The following FSTL4 variants were observed in gnomAD, a reference collection of about 807,000 sequenced individuals.
The protein encoded by FSTL4 is follistatin-related protein 4.
FSTL4 carries 28 observed loss-of-function variants against 78.2 expected under a neutral mutation model. The ratio of observed to expected loss-of-function variants is 0.36; its 90% CI spans 0.27 to 0.49. The LOEUF is 0.49. FSTL4 is among the 20% of genes least tolerant of loss of function. The probability of loss-of-function intolerance (pLI) is 0.98; values close to 1 mark genes in which losing one functional copy is unlikely to be tolerated. For synonymous variants in FSTL4, 422 were observed against 440.5 expected (o/e 0.96, Z 0.53); for missense variants, 922 against 1,084.9 (o/e 0.85, Z 2.11).
chr5:133,202,406 G>C (rs562027216), intron 14 of FSTL4: 1 of 162,042 alleles, frequency 6.2e-6, no homozygotes, highest in African/African-American at 2.4e-5. Context: ...AAACATCACT[G>C]TGGTTGCTCA....
At chr5:133,456,428 T>C (rs1182921272) in intron 3 of FSTL4, among the ~76,000 whole-genome samples, 1 of 152,228 alleles carries the variant, frequency 6.6e-6, no homozygotes, top group Non-Finnish European at 1.5e-5. Context: ...AGCCCTGCTT[T>C]TGGGGGATGG....
Position 133,198,665 on chromosome 5 carries a change from GC to G in FSTL4, c.*429del, listed in dbSNP as rs1750216241. 1.3e-5 allele frequency: 2 copies of G among 157,516 alleles called. No individual in the cohort carries two copies. Among genetic ancestry groups the G allele is most frequent in the Admixed American group, 1.3e-4 (2 of 15,620 alleles). 9.8% of individuals were successfully genotyped at this position (157,516 alleles called of 1,614,324 possible). A position where few individuals can be genotyped will look rare whatever the true frequency, so the allele number is the denominator to read the frequency against. ...GATGGGCTTTCAGTTCGGGAGGGAG[GC>G]CCCTGCTCCTGGTCGGCCTCTGCTT... On this transcript the variant is annotated 3_prime_UTR_variant, in exon 16 of 16. Coordinates refer to ENST00000265342, the MANE Select transcript of FSTL4 (RefSeq NM_015082.2).
At chr5:133,666,743 T>G in the FSTL4 span, among the ~76,000 whole-genome samples, 4 of 152,244 alleles carry the variant, frequency 2.6e-5, no homozygotes, top group African/African-American at 9.6e-5. Context: ...CAGTTAAAAC[T>G]TTTTTCTCTC....
chr5:133,446,388 C>T (rs1295688175), intron 3 of FSTL4, among the ~76,000 whole-genome samples: 37 of 152,158 alleles, frequency 2.4e-4, no homozygotes, highest in Non-Finnish European at 1.0e-4. Flanking sequence ...TGCAGTGAGC[C>T]GAGATCGAAC....
At chr5:133,663,367 T>C in the FSTL4 span, among the ~76,000 whole-genome samples, 2 of 152,242 alleles carry the variant, frequency 1.3e-5, no homozygotes, top group African/African-American at 4.8e-5. Flanking sequence ...GAACTAACTC[T>C]ACATCCTGTT....
At chr5:133,308,916 T>C (rs935878593) in intron 6 of FSTL4, among the ~76,000 whole-genome samples, 10 of 152,164 alleles carry the variant, frequency 6.6e-5, no homozygotes, top group Admixed American at 3.3e-4. Flanking sequence ...AACCTTCCCA[T>C]GCATCCAACA....
At chr5:133,665,287 A>G in the FSTL4 span, among the ~76,000 whole-genome samples, 10 of 152,240 alleles carry the variant, frequency 6.6e-5, no homozygotes, top group Admixed American at 2.0e-4. Context: ...TCAGGTTTCA[A>G]TGAGATTTGG....
intron 2 of FSTL4, among the ~76,000 whole-genome samples, chr5:133,570,596 A>G (rs1760134648): frequency 6.6e-6 from 1 of 152,234 alleles, no homozygotes; most frequent in African/African-American, 2.4e-5. Context: ...CAACTTTAAA[A>G]ATAGTCATGA....
intron 3 of FSTL4, among the ~76,000 whole-genome samples, chr5:133,538,715 T>C (rs1475094406): frequency 6.6e-6 from 1 of 152,230 alleles, no homozygotes; most frequent in African/African-American, 2.4e-5. Context: ...TTTCCAGTTA[T>C]GTTTTGTTGT....
chr5:133,214,974 A>C (rs1029165869), intron 13 of FSTL4, among the ~76,000 whole-genome samples: 13 of 152,154 alleles, frequency 8.5e-5, no homozygotes, highest in African/African-American at 3.1e-4. Context: ...GCCTGTATTC[A>C]CCATCTCCAT....
the FSTL4 span, among the ~76,000 whole-genome samples, chr5:133,671,538 C>T: frequency 6.6e-6 from 1 of 152,190 alleles, no homozygotes; most frequent in African/African-American, 2.4e-5. Context: ...CTCAGCAAGG[C>T]CATTTTTACT....
At chr5:133,260,409 T>C (rs1006483860) in intron 6 of FSTL4, among the ~76,000 whole-genome samples, 3 of 152,264 alleles carry the variant, frequency 2.0e-5, no homozygotes, top group Admixed American at 1.3e-4. Flanking sequence ...GCAGACCATT[T>C]TGAACGGTTT....
chr5:133,372,095 G>A lies in FSTL4; in HGVS notation c.409+28643C>T, dbSNP rs142207501. Among the ~76,000 whole-genome samples the A allele has an allele frequency of 9.2e-3, 1,408 of 152,312 alleles. 8 individuals carry two copies. The highest frequency in any genetic ancestry group is 0.017 in the Middle Eastern group (5 of 294). ...GGCCGAACATGTGCCTGCTGGGGCT[G>A]CCAAACACACCTCATCAAACTTCCA... On this transcript the variant is annotated intron_variant, in intron 4 of 15. Coordinates refer to ENST00000265342, the MANE Select transcript of FSTL4 (RefSeq NM_015082.2).
Position 133,210,132 on chromosome 5 carries a change from A to G in FSTL4, c.1716+59T>C, listed in dbSNP as rs145101856. On this transcript the variant is annotated intron_variant, in intron 14 of 15. Transcript: ENST00000265342. ...GGGAAGCAGGAGATACTTATTTTAT[A>G]GGGAGAGAGTTCTTCTCTCAGTGGA... The G allele has an allele frequency of 9.8e-4, 859 of 877,182 alleles. 8 individuals carry two copies. In the African/African-American group the frequency reaches 0.013, roughly 13 times the overall value. 54.3% of individuals were successfully genotyped at this position (877,182 alleles called of 1,614,324 possible).
chr5:133,695,883 T>C, the FSTL4 span, among the ~76,000 whole-genome samples: 3 of 152,220 alleles, frequency 2.0e-5, no homozygotes, highest in African/African-American at 7.2e-5. Flanking sequence ...AGGTCTGTTC[T>C]TCCCATGAAG....
intron 4 of FSTL4, among the ~76,000 whole-genome samples, chr5:133,370,603 G>A (rs549984012): frequency 2.0e-5 from 3 of 152,180 alleles, no homozygotes; most frequent in South Asian, 4.2e-4. Flanking sequence ...CAGGCTCGGG[G>A]AAGGGCAGCA....
chr5:133,656,950 G>A, the FSTL4 span, among the ~76,000 whole-genome samples: 1 of 152,180 alleles, frequency 6.6e-6, no homozygotes, highest in Non-Finnish European at 1.5e-5. Flanking sequence ...TAAGTTTACT[G>A]TTGGTAAGAA....
At chr5:133,687,929 G>A in the FSTL4 span, among the ~76,000 whole-genome samples, 1 of 152,200 alleles carries the variant, frequency 6.6e-6, no homozygotes, top group African/African-American at 2.4e-5. Context: ...CCAGGTCCCA[G>A]ATGGCTCACC....
At chr5:133,216,242 A>G (rs1750900629) in intron 13 of FSTL4, among the ~76,000 whole-genome samples, 1 of 152,014 alleles carries the variant, frequency 6.6e-6, no homozygotes, top group Middle Eastern at 3.2e-3. Context: ...CACCACTCCC[A>G]CTGCTGTTGT....
Sources: gnomAD v4.1 joint callset for allele counts (sites outside exome capture counted in the v4.1 genomes callset) on GRCh38, gnomAD v4.1.1 for gene constraint, MANE v1.5 for transcripts, NCBI Gene and HGNC (gene_info 2026-07-23, HGNC 2026-07-21) for gene names.